The following MDFI variants were observed in gnomAD, a reference collection of about 807,000 sequenced individuals.
The protein encoded by MDFI is inhibitor of MyoD family a.
Under a neutral mutation model 22.3 loss-of-function variants are expected in MDFI, and 16 were observed. The observed-to-expected ratio is 0.72, with a 90% CI of 0.49 to 1.09. MDFI has a LOEUF of 1.09. MDFI is among the 50% of genes least tolerant of loss of function. MDFI has a pLI of 0.00. For synonymous variants in MDFI, 145 were observed against 142.7 expected (o/e 1.02, Z -0.12); for missense variants, 314 against 326.1 (o/e 0.96, Z 0.29).
chr6:41,639,146 T>G, intron 2 of MDFI: 1 of 772,080 alleles, frequency 1.3e-6, no homozygotes, highest in Non-Finnish European at 1.6e-6. Context: ...GGGATTTGTG[T>G]CTCAACTGTT....
intron 3 of MDFI, among the ~76,000 whole-genome samples, chr6:41,647,178 C>A (rs539541697): frequency 6.6e-6 from 1 of 152,334 alleles, no homozygotes; most frequent in African/African-American, 2.4e-5. Flanking sequence ...TCCAGCACAC[C>A]CACTAGCAGA....
Position 41,643,531 on chromosome 6 carries a change from AGGG to A in MDFI, c.77-2594_77-2592del, listed in dbSNP as rs1454657913. Among the ~76,000 whole-genome samples, 224 of 64,308 alleles carry A rather than the reference AGGG, an allele frequency of 3.5e-3. 8 individuals are homozygous for A. Among genetic ancestry groups the A allele is most frequent in the African/African-American group, 0.012 (198 of 16,736 alleles). The allele number at this position is 64,308 out of a possible 152,430, so 42.2% of individuals were successfully genotyped here. Reference sequence around the variant, plus strand: ...TGTTAAACCACACAGCACAGGAAGGAGGGAAGGAGGGAAGGAGGGAAGGAAGGA... The same window carrying A: ...TGTTAAACCACACAGCACAGGAAGGAAAGGAGGGAAGGAGGGAAGGAAGGA... On this transcript the variant is annotated intron_variant, in intron 2 of 4. Coordinates refer to ENST00000230321, the MANE Select transcript of MDFI (RefSeq NM_005586.4).
chr6:41,639,888 C>G (rs570074672), intron 2 of MDFI: 3 of 984,464 alleles, frequency 3.0e-6, no homozygotes, highest in Non-Finnish European at 3.6e-6. Context: ...CCTGCCTGTT[C>G]TAGGAGGCCC....
intron 3 of MDFI, 117 bp downstream of exon 3, chr6:41,646,425 C>A: frequency 1.2e-6 from 1 of 854,674 alleles, no homozygotes; most frequent in Non-Finnish European, 1.6e-6. Context: ...TTGAGTGTGG[C>A]AGCACAGGCA....
intron 3 of MDFI, among the ~76,000 whole-genome samples, chr6:41,647,205 C>T (rs1052228570): frequency 1.3e-5 from 2 of 152,222 alleles, no homozygotes; most frequent in African/African-American, 4.8e-5. Flanking sequence ...AGAAAGAGGT[C>T]AGCGCCTTGG....
intron 2 of MDFI, chr6:41,639,372 G>T (rs1414260053): frequency 5.1e-6 from 5 of 984,778 alleles, no homozygotes; most frequent in African/African-American, 1.8e-5. Context: ...AGTCCCCGCC[G>T]CCCCTGCCCT....
rs571244270 is a variant in MDFI at position 41,643,185 on chromosome 6, C to T, written c.77-2941C>T. ...TGTGGCTTCCTTGCTCTCTGTGTAGCGGCTCACTCGGGGGTCTTGATTCCT... is the reference window on the plus strand; with the variant it reads ...TGTGGCTTCCTTGCTCTCTGTGTAGTGGCTCACTCGGGGGTCTTGATTCCT... On this transcript the variant is annotated intron_variant, in intron 2 of 4. Transcript: ENST00000230321. Among the ~76,000 whole-genome samples the T allele has an allele frequency of 3.9e-5, 6 of 152,270 alleles. No individual in the cohort carries two copies. The East Asian group carries it at 7.7e-4, about 20-fold the overall frequency.
rs938647871 is a variant in MDFI, at chr6:41,638,658, T to C, written c.-12+6T>C. On this transcript the variant is annotated splice_donor_region_variant and intron_variant, in intron 1 of 4. Transcript: ENST00000230321. This position sits in a 1 kb window ranked among gnomAD's most constrained non-coding sequence, Gnocchi z 7.6. ...GCGTAGCACGGCTCGCACGAGTGAGTGGACGTGGGAGGCGCGCATCTGCGG... is the reference window on the plus strand; with the variant it reads ...GCGTAGCACGGCTCGCACGAGTGAGCGGACGTGGGAGGCGCGCATCTGCGG... 3.6e-5 allele frequency: 49 copies of C among 1,369,864 alleles called. No individual in the cohort carries two copies. Among genetic ancestry groups the C allele is most frequent in the Non-Finnish European group, 4.9e-5 (49 of 1,002,840 alleles). The allele number at this position is 1,369,864 out of a possible 1,614,324, so 84.9% of individuals were successfully genotyped here.
chr6:41,648,948 CCCT>C (rs1554130372), intron 3 of MDFI, among the ~76,000 whole-genome samples: 1 of 152,194 alleles, frequency 6.6e-6, no homozygotes, highest in Non-Finnish European at 1.5e-5. Flanking sequence ...CTCCCCACTG[CCCT>C]TCTTCTTGCC....
intron 4 of MDFI, among the ~76,000 whole-genome samples, chr6:41,650,946 G>A (rs147685533): frequency 0.019 from 2,898 of 152,166 alleles, 43 homozygotes; most frequent in South Asian, 0.032. Flanking sequence ...GCTCACTTCT[G>A]TAATCCCAGC....
chr6:41,639,613 T>C, intron 2 of MDFI: 5 of 985,226 alleles, frequency 5.1e-6, no homozygotes, highest in Non-Finnish European at 6.0e-6. Context: ...GAAGTCCGGG[T>C]CAAGGAGAAG....
At position 41,653,440 on chromosome 6, in the gene MDFI, CTGCTGT is replaced by C; in HGVS notation, c.607_612del (p.Cys203_Cys204del). On this transcript the variant is annotated inframe_deletion, in exon 5 of 5. Transcript: ENST00000230321. The surrounding 1 kb of genome is among the most constrained non-coding windows in gnomAD (Gnocchi z 4.2). ...CGGAGGACTCGTGCCTCTGCTGCTGCTGCTGTGGCTCTGGCGAGTGTGCCGACTGCG... is the reference window on the plus strand; with the variant it reads ...CGGAGGACTCGTGCCTCTGCTGCTGCGGCTCTGGCGAGTGTGCCGACTGCG... 6.2e-7 allele frequency: 1 copy of C among 1,606,654 alleles called. No homozygotes were observed. The highest frequency in any genetic ancestry group is 2.2e-5 in the East Asian group (1 of 44,892).
chr6:41,651,072 C>T (rs1446157074), intron 4 of MDFI, among the ~76,000 whole-genome samples: 1 of 151,788 alleles, frequency 6.6e-6, no homozygotes, highest in Non-Finnish European at 1.5e-5. Context: ...CCAGGCGTGG[C>T]GGTGGGCGCC....
chr6:41,651,040 T>C (rs1222034216), intron 4 of MDFI, among the ~76,000 whole-genome samples: 1 of 151,924 alleles, frequency 6.6e-6, no homozygotes, highest in Non-Finnish European at 1.5e-5. Context: ...ACCCTGTCTC[T>C]ACTAAAAATA....
rs1767741165 is a variant in MDFI at position 41,638,949 on chromosome 6, G to C, written c.76+124G>C. 3 of 1,113,600 alleles carry C rather than the reference G, an allele frequency of 2.7e-6. No homozygotes were observed. The South Asian group carries it at 4.8e-5, about 18-fold the overall frequency. 69.0% of individuals were successfully genotyped at this position (1,113,600 alleles called of 1,614,324 possible). On this transcript the variant is annotated intron_variant, in intron 2 of 4. Coordinates refer to ENST00000230321, the MANE Select transcript of MDFI (RefSeq NM_005586.4). This position sits in a 1 kb window ranked among gnomAD's most constrained non-coding sequence, Gnocchi z 7.6. ...CGTTCCAGGGAGCTTGGTGGGGGTA[G>C]GGACGAAAAGTCTGGGTTTGAGGAC...
chr6:41,649,901 C>T, intron 4 of MDFI, 58 bp downstream of exon 4: 1 of 1,485,266 alleles, frequency 6.7e-7, no homozygotes, highest in Non-Finnish European at 9.2e-7. Context: ...TTCCTCGAAG[C>T]ATGACGCATG....
chr6:41,643,859 G>A (rs1428177323), intron 2 of MDFI, among the ~76,000 whole-genome samples: 1 of 152,162 alleles, frequency 6.6e-6, no homozygotes, highest in Non-Finnish European at 1.5e-5. Flanking sequence ...TAATTTGCCA[G>A]GCTGGTAACT....
Position 41,653,750 on chromosome 6 carries a change from C to T in MDFI, c.*175C>T, listed in dbSNP as rs1768375532. 1.3e-6 allele frequency: 1 copy of T among 770,166 alleles called. No individual in the cohort carries two copies. Among genetic ancestry groups the T allele is most frequent in the East Asian group, 2.7e-5 (1 of 37,154 alleles). 47.7% of individuals were successfully genotyped at this position (770,166 alleles called of 1,614,324 possible). ...AGCCTTGAAAATAGTGGGGGGCACT[C>T]AGAGGGGCCACCTCCTCAGCCGTGG... On this transcript the variant is annotated 3_prime_UTR_variant, in exon 5 of 5. Transcript: ENST00000230321. This position sits in a 1 kb window ranked among gnomAD's most constrained non-coding sequence, Gnocchi z 4.2.
Position 41,653,257 on chromosome 6 carries a change from A to G in MDFI, c.485-62A>G. ...GCCGCAGGCCCCCACACCCCCGGCT[A>G]TTTCACACACGCTCATCCCTCCCCT... is the stretch of plus-strand genomic sequence containing the variant. On this transcript the variant is annotated intron_variant, in intron 4 of 4. Transcript: ENST00000230321. The surrounding 1 kb of genome is among the most constrained non-coding windows in gnomAD (Gnocchi z 4.2). The G allele has an allele frequency of 1.3e-6, 2 of 1,561,886 alleles. No homozygotes were observed. Among genetic ancestry groups the G allele is most frequent in the Non-Finnish European group, 8.7e-7 (1 of 1,147,556 alleles).
Sources: gnomAD v4.1 joint callset for allele counts (sites outside exome capture counted in the v4.1 genomes callset) on GRCh38, gnomAD v4.1.1 for gene constraint, Gnocchi (gnomAD v3.1) non-coding constraint, MANE v1.5 for transcripts, NCBI Gene and HGNC (gene_info 2026-07-23, HGNC 2026-07-21) for gene names.